The following PTPRD variants were observed in gnomAD, a reference collection of about 807,000 sequenced individuals.
PTPRD encodes the protein protein tyrosine phosphatase receptor type D.
Under a neutral mutation model 214.5 loss-of-function variants are expected in PTPRD, and 34 were observed. That is an observed-to-expected ratio of 0.16 (90% confidence interval 0.12 to 0.21). PTPRD has a LOEUF of 0.21. Ranked by LOEUF, PTPRD falls within the 10% of genes least tolerant of loss-of-function variation. The pLI, the probability that PTPRD is intolerant of heterozygous loss-of-function variation, is 1.00. For synonymous variants in PTPRD, 1,128 were observed against 845.7 expected (o/e 1.33, Z -5.79); for missense variants, 2,545 against 2,398.7 (o/e 1.06, Z -1.27).
rs548261749 is a variant in PTPRD, at chr9:9,019,590, C to T, written c.-142-855G>A. Reference sequence around the variant, plus strand: ...GCGTGGTCGTGTGCATCTGTAATCCCAGCTACTCAGGAGGCTGAGGCAGGA... The same window carrying T: ...GCGTGGTCGTGTGCATCTGTAATCCTAGCTACTCAGGAGGCTGAGGCAGGA... On this transcript the variant is annotated intron_variant, in intron 10 of 45. Transcript: ENST00000381196. Among the ~76,000 whole-genome samples the T allele has an allele frequency of 3.3e-5, 5 of 152,220 alleles. No individual in the cohort carries two copies. The South Asian group carries it at 6.2e-4, about 19-fold the overall frequency.
At chr9:9,951,125 G>C (rs1477468362) in intron 4 of PTPRD, among the ~76,000 whole-genome samples, 1 of 152,118 alleles carries the variant, frequency 6.6e-6, no homozygotes, top group East Asian at 1.9e-4. Context: ...TGTAGGAGGA[G>C]GGTGAAATAT....
chr9:9,108,847 G>C (rs1287540366), intron 10 of PTPRD, among the ~76,000 whole-genome samples: 2 of 152,230 alleles, frequency 1.3e-5, no homozygotes, highest in South Asian at 2.1e-4. Flanking sequence ...GTCTGGTCGG[G>C]GGAGCAATGG....
chr9:8,763,852 C>T (rs189589936), intron 11 of PTPRD, among the ~76,000 whole-genome samples: 73 of 152,190 alleles, frequency 4.8e-4, no homozygotes, highest in African/African-American at 1.7e-3. Context: ...TCATAAAAAG[C>T]CACAAAATGT....
At chr9:10,214,747 C>A (rs1374708505) in intron 3 of PTPRD, among the ~76,000 whole-genome samples, 1 of 152,060 alleles carries the variant, frequency 6.6e-6, no homozygotes. Flanking sequence ...TGCAAAATTT[C>A]TGTGCAAAGA....
intron 39 of PTPRD, among the ~76,000 whole-genome samples, chr9:8,375,003 G>C (rs1316645570): frequency 6.6e-6 from 1 of 151,836 alleles, no homozygotes; most frequent in East Asian, 1.9e-4. Context: ...CACGATAGAA[G>C]TGATTTACGA....
chr9:8,319,300 A>C (rs976574241), intron 45 of PTPRD, among the ~76,000 whole-genome samples: 1 of 152,128 alleles, frequency 6.6e-6, no homozygotes, highest in South Asian at 2.1e-4. Context: ...TATTACGAGA[A>C]ATATCCAAAT....
rs184336890 is a variant in PTPRD at position 8,734,855 on chromosome 9, T to C, written c.-103-909A>G. ...ATAAAAGATAGGATCAAGACTGACA[T>C]CATGGAAATAGTGTCTCAAACTAGG... On this transcript the variant is annotated intron_variant, in intron 11 of 45. Transcript: ENST00000381196. 3.9e-5 allele frequency among the ~76,000 whole-genome samples: 6 copies of C among 152,310 alleles called. No homozygotes were observed. In the East Asian group the frequency reaches 1.2e-3, roughly 29 times the overall value.
At chr9:10,573,695 A>G (rs890641008) in intron 2 of PTPRD, among the ~76,000 whole-genome samples, 8 of 152,164 alleles carry the variant, frequency 5.3e-5, no homozygotes, top group African/African-American at 1.9e-4. Context: ...CCTGGCCCCT[A>G]GTGAAAAGGA....
chr9:9,845,425 A>G (rs940016279), intron 5 of PTPRD, among the ~76,000 whole-genome samples: 3 of 151,778 alleles, frequency 2.0e-5, no homozygotes, highest in Non-Finnish European at 4.4e-5. Context: ...GATTAGACCT[A>G]GTGATCTACA....
At chr9:9,973,855 C>T (rs149917950) in intron 4 of PTPRD, among the ~76,000 whole-genome samples, 44 of 151,632 alleles carry the variant, frequency 2.9e-4, no homozygotes, top group African/African-American at 1.0e-3. Flanking sequence ...TCTAATTAGC[C>T]AGTAAGTGCA....
At chr9:9,298,229 G>A (rs966872873) in intron 9 of PTPRD, among the ~76,000 whole-genome samples, 4 of 151,650 alleles carry the variant, frequency 2.6e-5, no homozygotes, top group Non-Finnish European at 4.4e-5. Context: ...AATTGAAAGA[G>A]AAACAAATGC....
At chr9:8,797,211 T>A (rs1303356864) in intron 11 of PTPRD, 4 of 152,128 alleles carry the variant, frequency 2.6e-5, no homozygotes, top group African/African-American at 7.2e-5. Context: ...GAAAAATAAA[T>A]AAATAAAATA....
intron 18 of PTPRD, 57 bp from the exon 19 acceptor site, chr9:8,523,581 C>G: frequency 6.3e-7 from 1 of 1,598,154 alleles, no homozygotes; most frequent in Non-Finnish European, 8.6e-7. Flanking sequence ...AGGAGAAAAA[C>G]AAGGGAAACA....
intron 11 of PTPRD, among the ~76,000 whole-genome samples, chr9:8,899,217 T>TA (rs1402176150): frequency 6.6e-6 from 1 of 152,160 alleles, no homozygotes; most frequent in Non-Finnish European, 1.5e-5. Flanking sequence ...GCACCGTAAT[T>TA]ATCATTTCTG....
chr9:8,598,592 G>T (rs1329667586), intron 14 of PTPRD, among the ~76,000 whole-genome samples: 3 of 152,102 alleles, frequency 2.0e-5, no homozygotes, highest in Admixed American at 2.0e-4. Context: ...TAGAAAACAG[G>T]CTAGGAAAAT....
At chr9:10,045,114 G>T (rs917181427) in intron 3 of PTPRD, among the ~76,000 whole-genome samples, 38 of 151,804 alleles carry the variant, frequency 2.5e-4, no homozygotes, top group African/African-American at 8.4e-4. Context: ...AATCATCTAT[G>T]AACTAATTTG....
At chr9:10,234,170 C>A (rs2099621543) in intron 3 of PTPRD, among the ~76,000 whole-genome samples, 1 of 151,646 alleles carries the variant, frequency 6.6e-6, no homozygotes, top group Admixed American at 6.6e-5. Flanking sequence ...AGGAGAATTG[C>A]TTGAACCCGG....
At chr9:9,002,721 A>G (rs1284656273) in intron 11 of PTPRD, among the ~76,000 whole-genome samples, 1 of 151,964 alleles carries the variant, frequency 6.6e-6, no homozygotes, top group East Asian at 1.9e-4. Flanking sequence ...TTGCACCCAA[A>G]TTTGTGTCTT....
rs182725339 is a variant in PTPRD at position 9,728,270 on chromosome 9, A to C, written c.-287+6263T>G. On this transcript the variant is annotated intron_variant, in intron 7 of 45. Coordinates refer to ENST00000381196, the MANE Select transcript of PTPRD (RefSeq NM_002839.4). The stretch of plus-strand genomic sequence containing the variant: ...ATCTGCAGAGTGAAAACAAACTAAT[A>C]CATGTCCCATGAATATTTTAGAGGC... Among the ~76,000 whole-genome samples, 763 of 152,266 alleles carry C rather than the reference A, an allele frequency of 5.0e-3. 5 individuals carry two copies. The highest frequency in any genetic ancestry group is 0.018 in the African/African-American group (737 of 41,556).
Sources: allele counts gnomAD v4.1 joint callset (sites outside exome capture counted in the v4.1 genomes callset), GRCh38; gene constraint gnomAD v4.1.1; transcripts MANE v1.5; gene names NCBI Gene and HGNC (gene_info 2026-07-23, HGNC 2026-07-21).